The following CELF2 variants were observed in gnomAD, a reference collection of about 807,000 sequenced individuals.
CELF2 encodes the protein CUGBP Elav-like family member 2, also known as CUG triplet repeat RNA-binding protein 2.
In CELF2, 8 loss-of-function variants were observed where a neutral mutation model predicts 62.6. That is an observed-to-expected ratio of 0.13 (90% confidence interval 0.07 to 0.23). The LOEUF is 0.23. Ranked by LOEUF, CELF2 falls within the 10% of genes least tolerant of loss-of-function variation. CELF2 has a pLI of 1.00. For synonymous variants in CELF2, 258 were observed against 250.0 expected (o/e 1.03, Z -0.30); for missense variants, 333 against 671.0 (o/e 0.50, Z 5.56).
At chr10:11,240,951 C>T (rs1255703880) in intron 3 of CELF2, among the ~76,000 whole-genome samples, 2 of 152,088 alleles carry the variant, frequency 1.3e-5, no homozygotes, top group Admixed American at 1.3e-4. Context: ...GATTCGAATC[C>T]CTGCTCTGCC....
At chr10:10,653,102 C>G in the CELF2 span, among the ~76,000 whole-genome samples, 167 of 152,146 alleles carry the variant, frequency 1.1e-3, no homozygotes, top group African/African-American at 2.7e-3. Flanking sequence ...AACCAACAAA[C>G]ATCAAAAGAG....
upstream of CELF2, among the ~76,000 whole-genome samples, chr10:11,016,822 G>A (rs536409812): frequency 6.6e-6 from 1 of 152,318 alleles, no homozygotes; most frequent in South Asian, 2.1e-4. The surrounding 1 kb of genome is among the most constrained non-coding windows in gnomAD (Gnocchi z 5.2). Flanking sequence ...TAGGTATATG[G>A]ATGTATAGCT....
chr10:10,763,622 T>C, the CELF2 span, among the ~76,000 whole-genome samples: 3 of 152,164 alleles, frequency 2.0e-5, no homozygotes, highest in Admixed American at 6.5e-5. Context: ...GTGGCTTGTT[T>C]TTGCAATTGT....
chr10:10,677,635 C>T, the CELF2 span, among the ~76,000 whole-genome samples: 4 of 152,302 alleles, frequency 2.6e-5, no homozygotes, highest in African/African-American at 9.6e-5. Context: ...TTAGTGTAGC[C>T]AAGCTCTCCT....
chr10:10,693,187 A>G, the CELF2 span, among the ~76,000 whole-genome samples: 54 of 110,558 alleles, frequency 4.9e-4, 1 homozygote, highest in Non-Finnish European at 1.1e-4. Context: ...ACGTCCCATC[A>G]ATACCTAATT....
chr10:10,881,258 T>A (rs572281441), intron 1 of CELF2, among the ~76,000 whole-genome samples: 98 of 152,324 alleles, frequency 6.4e-4, no homozygotes, highest in Admixed American at 2.4e-3. Context: ...AACTGGTGCA[T>A]GGATGGTATA....
the CELF2 span, among the ~76,000 whole-genome samples, chr10:10,671,870 C>T: frequency 6.6e-6 from 1 of 152,100 alleles, no homozygotes; most frequent in Non-Finnish European, 1.5e-5. Context: ...GCTGGGATTA[C>T]AGGCATACGC....
At chr10:10,623,655 G>A in the CELF2 span, among the ~76,000 whole-genome samples, 1 of 152,110 alleles carries the variant, frequency 6.6e-6, no homozygotes, top group Non-Finnish European at 1.5e-5. Flanking sequence ...GAAGCAGATG[G>A]ACCCACGATG....
chr10:11,089,814 T>C (rs1050674201), intron 1 of CELF2, among the ~76,000 whole-genome samples: 2 of 152,146 alleles, frequency 1.3e-5, no homozygotes, highest in African/African-American at 4.8e-5. Context: ...AAAGAAAATG[T>C]GTTGTACCAT....
At chr10:10,918,816 A>G (rs2064588007) in intron 1 of CELF2, among the ~76,000 whole-genome samples, 1 of 152,176 alleles carries the variant, frequency 6.6e-6, no homozygotes, top group Non-Finnish European at 1.5e-5. Context: ...AAGGGGTTAT[A>G]TGACACTAAG....
At chr10:10,628,767 A>G in the CELF2 span, among the ~76,000 whole-genome samples, 1 of 152,352 alleles carries the variant, frequency 6.6e-6, no homozygotes, top group East Asian at 1.9e-4. Flanking sequence ...CCAACATGGC[A>G]CATGTATACA....
At chr10:10,987,259 T>A (rs957034729) in intron 2 of CELF2, among the ~76,000 whole-genome samples, 16 of 152,102 alleles carry the variant, frequency 1.1e-4, no homozygotes, top group Admixed American at 1.0e-3. Context: ...AGAGATCTTT[T>A]TTTTTTTTTC....
chr10:10,586,666 C>T, the CELF2 span, among the ~76,000 whole-genome samples: 3 of 152,038 alleles, frequency 2.0e-5, no homozygotes, highest in Non-Finnish European at 4.4e-5. Context: ...GGGCACACCA[C>T]GTAATTTTTT....
intron 1 of CELF2, among the ~76,000 whole-genome samples, chr10:11,031,495 A>G (rs2138876163): frequency 6.6e-6 from 1 of 152,338 alleles, no homozygotes; most frequent in East Asian, 1.9e-4. Flanking sequence ...GGGATAATAG[A>G]AAAGTTAGAG....
chr10:10,846,949 C>G (rs1012395599), intron 1 of CELF2, among the ~76,000 whole-genome samples: 7 of 152,160 alleles, frequency 4.6e-5, no homozygotes, highest in Non-Finnish European at 8.8e-5. Context: ...GCAATTTTCT[C>G]ATACCTGCCG....
rs112027680 is a variant in CELF2, at chr10:10,994,509, C to T, written c.89+74510C>T. ...AGAAGGTGAGTGGCAGGTGAGTCAG[C>T]TAAGCTACATCTGTATTTACAGCCG... On this transcript the variant is annotated intron_variant, in intron 2 of 13. Transcript: ENST00000636488. Among the ~76,000 whole-genome samples, 256 of 152,340 alleles carry T rather than the reference C, an allele frequency of 1.7e-3. 1 individual carries two copies. The highest frequency in any genetic ancestry group is 5.7e-3 in the African/African-American group (238 of 41,584).
the CELF2 span, chr10:10,776,241 A>G: frequency 6.5e-6 from 1 of 153,240 alleles, no homozygotes; most frequent in Non-Finnish European, 1.5e-5. Context: ...AAAGATCGGA[A>G]CGCTGTGTTG....
At position 11,011,706 on chromosome 10, in the gene CELF2, G is replaced by T. The variant is rs1221177537; in HGVS notation, c.53+6266G>T. Among the ~76,000 whole-genome samples, 1 of 151,252 alleles carries T rather than the reference G, an allele frequency of 6.6e-6. No individual in the cohort carries two copies. The highest frequency in any genetic ancestry group is 1.5e-5 in the Non-Finnish European group (1 of 67,970). ...ACTCCACTCTGTATAGCTTGACTAG[G>T]TAGCTATACCACTTTTTCCTAAAGG... On this transcript the variant is annotated intron_variant, in intron 1 of 12. Transcript: ENST00000416382. This position sits in a 1 kb window ranked among gnomAD's most constrained non-coding sequence, Gnocchi z 4.6.
At chr10:10,601,395 T>C in the CELF2 span, among the ~76,000 whole-genome samples, 2 of 152,148 alleles carry the variant, frequency 1.3e-5, no homozygotes. Context: ...GGATCTCTAG[T>C]GAGGGTTTCA....
Sources: gnomAD v4.1 joint callset for allele counts (sites outside exome capture counted in the v4.1 genomes callset) on GRCh38, gnomAD v4.1.1 for gene constraint, Gnocchi (gnomAD v3.1) non-coding constraint, MANE v1.5 for transcripts, NCBI Gene and HGNC (gene_info 2026-07-23, HGNC 2026-07-21) for gene names.